PRR36: variants seen among roughly 807,000 people sequenced by gnomAD.
The protein encoded by PRR36 is proline rich 36, also known as proline-rich protein 36.
Under a neutral mutation model 58.6 loss-of-function variants are expected in PRR36, and 30 were observed. The observed-to-expected ratio is 0.51, with a 90% confidence interval of 0.38 to 0.69. The LOEUF (loss-of-function observed/expected upper bound fraction) is 0.69, where lower values mean the gene tolerates loss of function less well. Ranked by LOEUF, PRR36 falls within the 30% of genes least tolerant of loss-of-function variation. The pLI is 0.00. For synonymous variants in PRR36, 771 were observed against 829.3 expected (o/e 0.93, Z 1.21); for missense variants, 1,692 against 1,805.6 (o/e 0.94, Z 1.14).
At chr19:7,869,616 G>A (rs1980280239) in intron 5 of PRR36, 72 bp from the exon 6 acceptor site, 2 of 1,476,026 alleles carry the variant, frequency 1.4e-6, no homozygotes, top group Non-Finnish European at 1.8e-6. Flanking sequence ...CCGCCTCCTT[G>A]TCTAAGCTCC....
rs1035813359 is a variant in PRR36 at position 7,871,163 on chromosome 19, A to G, written c.2081T>C (p.Leu694Pro). 6.5e-7 allele frequency: 1 copy of G among 1,534,278 alleles called. No individual in the cohort carries two copies. Among genetic ancestry groups the G allele is most frequent in the African/African-American group, 1.4e-5 (1 of 72,392 alleles). Residue 694 changes from leucine to proline, a missense_variant, in exon 5 of 6, where the codon CTG (leucine) becomes CCG (proline). Physicochemically the swap from Leu to Pro is moderately conservative, Grantham distance 98. Coordinates refer to ENST00000618550, the MANE Select transcript of PRR36 (RefSeq NM_001190467.2). ...TIHPLQALSSLASHSPQAPLS... is the reference protein window; with the variant it reads ...TIHPLQALSSPASHSPQAPLS... Reference sequence around the variant, plus strand: ...AGGTGCCTGAGGAGAGTGGGAGGCCAGAGAAGATAGCGCCTGCAGAGGGTG... The same window carrying G: ...AGGTGCCTGAGGAGAGTGGGAGGCCGGAGAAGATAGCGCCTGCAGAGGGTG...
intron 5 of PRR36, 35 bp from the exon 6 acceptor site, chr19:7,869,579 G>T: frequency 1.3e-6 from 2 of 1,509,550 alleles, no homozygotes; most frequent in Non-Finnish European, 1.8e-6. Context: ...CCGTGGGGGT[G>T]ATAAGCCCCG....
In PRR36 at chr19:7,871,573, C is replaced by G. The variant is rs372644059; in HGVS notation, c.1671G>C (p.Pro557=). ...PLVSPSLLAS[P]PLQAPPHPQA... is the part of the protein sequence containing the mutation. ...GTGGGTGGGGCGGAGCCTGCAGAGG[C>G]GGTGAGGCCAAAAGAGAGGGAGAAA... The change falls in exon 5 of 6, where the codon CCG becomes CCC. Residue 557 remains proline, a synonymous_variant. Transcript: ENST00000618550. 1.3e-6 allele frequency: 2 copies of G among 1,534,864 alleles called. No homozygotes were observed. Among genetic ancestry groups the G allele is most frequent in the South Asian group, 1.2e-5 (1 of 83,992 alleles).
At position 7,869,932 on chromosome 19, in the gene PRR36, C is replaced by T. The variant is rs1294592005; in HGVS notation, c.3312G>A (p.Pro1104=). 7.3e-6 allele frequency: 10 copies of T among 1,365,478 alleles called. No individual in the cohort carries two copies. Among genetic ancestry groups the T allele is most frequent in the African/African-American group, 1.5e-5 (1 of 64,842 alleles). The allele number at this position is 1,365,478 out of a possible 1,614,324, so 84.6% of individuals were successfully genotyped here. Residue 1104 remains proline (P), a synonymous_variant, in exon 5 of 6, where the codon CCG becomes CCA. Coordinates refer to ENST00000618550, the MANE Select transcript of PRR36 (RefSeq NM_001190467.2). ...TGCTGGACGGGCTGCGCGAGGGCGG[C>T]GGCGGCGGGCCGGGGGCCAACGCCA... ...LTLALAPGPP[P]PPSRSPSSTL... is the part of the protein sequence containing the mutation.
In PRR36 at chr19:7,872,797, G is replaced by A. The variant is rs1313082350; in HGVS notation, c.488-41C>T. The A allele has an allele frequency of 2.0e-6, 3 of 1,527,706 alleles. No individual in the cohort carries two copies. The highest frequency in any genetic ancestry group is 2.6e-6 in the Non-Finnish European group (3 of 1,142,776). 94.6% of individuals were successfully genotyped at this position (1,527,706 alleles called of 1,614,324 possible). A position where few individuals can be genotyped will look rare whatever the true frequency, so the allele number is the denominator to read the frequency against. On this transcript the variant is annotated intron_variant, in intron 4 of 5. Transcript: ENST00000618550. This position sits in a 1 kb window ranked among gnomAD's most constrained non-coding sequence, Gnocchi z 6.1. Reference sequence around the variant, plus strand: ...AAGGCCAAGGGTCACCGATACCTCTGAGGCGGCTCCCCTTGCTGCCCAGGA... The same window carrying A: ...AAGGCCAAGGGTCACCGATACCTCTAAGGCGGCTCCCCTTGCTGCCCAGGA...
In PRR36 at chr19:7,871,290, C is replaced by T; in HGVS notation, c.1954G>A (p.Asp652Asn). 1.3e-6 allele frequency: 2 copies of T among 1,513,616 alleles called. No homozygotes were observed. Among genetic ancestry groups the T allele is most frequent in the South Asian group, 2.4e-5 (2 of 82,486 alleles). The allele number at this position is 1,513,616 out of a possible 1,614,324, so 93.8% of individuals were successfully genotyped here. The change falls in exon 5 of 6, where the codon GAT becomes AAT. Residue 652 changes from aspartate (D) to asparagine (N), a missense_variant. By Grantham distance (23) the Asp-to-Asn change is conservative (BLOSUM62 1). Coordinates refer to ENST00000618550, the MANE Select transcript of PRR36 (RefSeq NM_001190467.2). ...AGAGGGGCCTGCAGAGGGGGTGAAT[C>T]AGGGGGAGTAGAGGCCGGCCGAGAA... ...SPSRPASTPP[D>N]SPPLQAPLSL... is the part of the protein sequence containing the mutation.
At position 7,870,938 on chromosome 19, in the gene PRR36, TGC is replaced by T; in HGVS notation, c.2304_2305del (p.Gln769AspfsTer236). The T allele has an allele frequency of 4.3e-6, 6 of 1,389,216 alleles. No individual in the cohort carries two copies. Among genetic ancestry groups the T allele is most frequent in the Admixed American group, 6.2e-5 (2 of 32,512 alleles). The allele number at this position is 1,389,216 out of a possible 1,614,324, so 86.1% of individuals were successfully genotyped here. On this transcript the variant is annotated frameshift_variant, in exon 5 of 6. Coordinates refer to ENST00000618550, the MANE Select transcript of PRR36 (RefSeq NM_001190467.2). LOFTEE classifies it high-confidence loss of function. The stretch of plus-strand genomic sequence containing the variant: ...TGTGGTCAGGGGAGCAGAAGCTGTC[TGC>T]AGAGGAGGCGGGGCTAGAGAAGGTA...
chr19:7,873,329 C>A lies in PRR36; in HGVS notation c.272-30G>T. 1 of 1,524,580 alleles carries A rather than the reference C, an allele frequency of 6.6e-7. No individual in the cohort carries two copies. The highest frequency in any genetic ancestry group is 8.8e-7 in the Non-Finnish European group (1 of 1,140,614). 94.4% of individuals were successfully genotyped at this position (1,524,580 alleles called of 1,614,324 possible). ...GGGGAGAAGGCCGAGTCACAGGTGC[C>A]CCGGAGAGGTGGCAGTGGAGGTGAG... On this transcript the variant is annotated intron_variant, in intron 2 of 5. Coordinates refer to ENST00000618550, the MANE Select transcript of PRR36 (RefSeq NM_001190467.2). This position sits in a 1 kb window ranked among gnomAD's most constrained non-coding sequence, Gnocchi z 5.0.
In PRR36 at chr19:7,872,304, C is replaced by T; in HGVS notation, c.940G>A (p.Ala314Thr). 6.9e-7 allele frequency: 1 copy of T among 1,455,432 alleles called. No homozygotes were observed. The highest frequency in any genetic ancestry group is 9.0e-7 in the Non-Finnish European group (1 of 1,110,460). The allele number at this position is 1,455,432 out of a possible 1,614,324, so 90.2% of individuals were successfully genotyped here. ...TTGTCGGGAGGCGGTACGGGTCTTGCCTTGGTACCCGATGGAGAGGGTGTG... is the reference window on the plus strand; with the variant it reads ...TTGTCGGGAGGCGGTACGGGTCTTGTCTTGGTACCCGATGGAGAGGGTGTG... ...LATPSPSGTK[A>T]RPVPPPDNAA... The change falls in exon 5 of 6, where the codon GCA (alanine) becomes ACA (threonine). Residue 314 changes from alanine to threonine, a missense_variant. Physicochemically the swap from Ala to Thr is moderately conservative, Grantham distance 58. This residue lies in a region of PRR36 where 975 missense variants were observed against 955.2 expected (regional missense o/e 1.02). Transcript: ENST00000618550. This position sits in a 1 kb window ranked among gnomAD's most constrained non-coding sequence, Gnocchi z 6.1.
chr19:7,869,852 T>C lies in PRR36; in HGVS notation c.3392A>G (p.Glu1131Gly), dbSNP rs1980295541. The change falls in exon 5 of 6, where the codon GAG becomes GGG. Residue 1131 changes from glutamate to glycine, a missense_variant. By Grantham distance (98) the Glu-to-Gly change is moderately conservative (BLOSUM62 -2). Around this residue, in one of 5 missense-constraint regions of PRR36, gnomAD observed 485 missense variants for 549.2 expected, o/e 0.88. Transcript: ENST00000618550. Reference sequence around the variant, plus strand: ...CCCGCTGTCGTAGCCACGCAGCTCCTCTGGCGTGCTCGTGGCGCTGCTGCT... The same window carrying C: ...CCCGCTGTCGTAGCCACGCAGCTCCCCTGGCGTGCTCGTGGCGCTGCTGCT... ...GHSSSATSTP[E>G]ELRGYDSGPE... The C allele has an allele frequency of 1.5e-6, 2 of 1,340,064 alleles. No individual in the cohort carries two copies. The highest frequency in any genetic ancestry group is 1.9e-6 in the Non-Finnish European group (2 of 1,052,150). The allele number at this position is 1,340,064 out of a possible 1,614,324, so 83.0% of individuals were successfully genotyped here. A position where few individuals can be genotyped will look rare whatever the true frequency, so the allele number is the denominator to read the frequency against.
In PRR36 at chr19:7,872,697, C is replaced by G; in HGVS notation, c.547G>C (p.Ala183Pro). The change falls in exon 5 of 6, where the codon GCG becomes CCG. Residue 183 changes from alanine to proline, a missense_variant. Coordinates refer to ENST00000618550, the MANE Select transcript of PRR36 (RefSeq NM_001190467.2). This position sits in a 1 kb window ranked among gnomAD's most constrained non-coding sequence, Gnocchi z 6.1. ...SPAMARRSRA[A>P]GTEVGLPRPA... is the part of the protein sequence containing the mutation. ...CGGGGGAGCCCCACCTCGGTGCCCG[C>G]AGCCCGGGACCGACGGGCCATGGCC... 2 of 1,444,084 alleles carry G rather than the reference C, an allele frequency of 1.4e-6. No homozygotes were observed. Among genetic ancestry groups the G allele is most frequent in the Non-Finnish European group, 1.8e-6 (2 of 1,103,516 alleles). The allele number at this position is 1,444,084 out of a possible 1,614,324, so 89.5% of individuals were successfully genotyped here.
In PRR36 at chr19:7,873,835, T is replaced by TG; in HGVS notation, c.-7-140_-7-139insC. On this transcript the variant is annotated intron_variant, in intron 1 of 5. Transcript: ENST00000618550. This position sits in a 1 kb window ranked among gnomAD's most constrained non-coding sequence, Gnocchi z 5.0. ...AACCTCGGCCTCGGCTTCCATCCGC[T>TG]CGGCTCCCACGCACCTACACCCACT... is the stretch of plus-strand genomic sequence containing the variant. 1.3e-6 allele frequency: 1 copy of TG among 768,244 alleles called. No homozygotes were observed. Among genetic ancestry groups the TG allele is most frequent in the Non-Finnish European group, 2.0e-6 (1 of 505,188 alleles). 47.6% of individuals were successfully genotyped at this position (768,244 alleles called of 1,614,324 possible).
Position 7,870,645 on chromosome 19 carries a change from AAGG to A in PRR36, c.2596_2598del (p.Pro866del), listed in dbSNP as rs949830772. On this transcript the variant is annotated inframe_deletion, in exon 5 of 6. Coordinates refer to ENST00000618550, the MANE Select transcript of PRR36 (RefSeq NM_001190467.2). ...GGGGCCTGTGGAGAGGGTGTGGCCA[AAGG>A]AGACAGAGGGGGTGAGGCAGGGGGA... is the stretch of plus-strand genomic sequence containing the variant. The A allele has an allele frequency of 2.0e-6, 2 of 1,015,164 alleles. No homozygotes were observed. Among genetic ancestry groups the A allele is most frequent in the African/African-American group, 4.1e-5 (2 of 48,206 alleles). The allele number at this position is 1,015,164 out of a possible 1,614,324, so 62.9% of individuals were successfully genotyped here.
chr19:7,872,309 G>A lies in PRR36; in HGVS notation c.935C>T (p.Thr312Ile). ...GGGAGGCGGTACGGGTCTTGCCTTG[G>A]TACCCGATGGAGAGGGTGTGGCCAA... ...SPLATPSPSG[T>I]KARPVPPPDN... The change falls in exon 5 of 6, where the codon ACC becomes ATC. Residue 312 changes from threonine to isoleucine, a missense_variant. By Grantham distance (89) the Thr-to-Ile change is moderately conservative. Coordinates refer to ENST00000618550, the MANE Select transcript of PRR36 (RefSeq NM_001190467.2). This position sits in a 1 kb window ranked among gnomAD's most constrained non-coding sequence, Gnocchi z 6.1. 2 of 1,454,866 alleles carry A rather than the reference G, an allele frequency of 1.4e-6. No homozygotes were observed. The highest frequency in any genetic ancestry group is 1.8e-4 in the Middle Eastern group (1 of 5,578). 90.1% of individuals were successfully genotyped at this position (1,454,866 alleles called of 1,614,324 possible). A position where few individuals can be genotyped will look rare whatever the true frequency, so the allele number is the denominator to read the frequency against.
Position 7,871,508 on chromosome 19 carries a change from G to T in PRR36, c.1736C>A (p.Pro579Gln). 1 of 1,535,548 alleles carries T rather than the reference G, an allele frequency of 6.5e-7. No individual in the cohort carries two copies. The highest frequency in any genetic ancestry group is 1.4e-5 in the African/African-American group (1 of 73,078). Residue 579 changes from proline to glutamine, a missense_variant, in exon 5 of 6, where the codon CCG (proline) becomes CAG (glutamine). Physicochemically the swap from Pro to Gln is moderately conservative, Grantham distance 76 (BLOSUM62 -1). Around this residue, in one of 5 missense-constraint regions of PRR36, gnomAD observed 975 missense variants for 955.2 expected, o/e 1.02. Coordinates refer to ENST00000618550, the MANE Select transcript of PRR36 (RefSeq NM_001190467.2). ...PSMTTPPMQA[P>Q]PSLQTIPPIQ... is the part of the protein sequence containing the mutation. ...TGGGGGAATGGTCTGGAGAGAGGGC[G>T]GGGCCTGCATAGGGGGCGTAGTCAT...
rs866794447 is a variant in PRR36 at position 7,871,754 on chromosome 19, G to T, written c.1490C>A (p.Pro497Gln). ...PGLSALTTPP[P>Q]QASPSPSPPS... Reference sequence around the variant, plus strand: ...CGGAGACGGGGAAGGACTGGCCTGCGGAGGGGGCGTGGTCAGAGCAGAAAG... The same window carrying T: ...CGGAGACGGGGAAGGACTGGCCTGCTGAGGGGGCGTGGTCAGAGCAGAAAG... The change falls in exon 5 of 6, where the codon CCG becomes CAG. Residue 497 changes from proline (P) to glutamine (Q), a missense_variant. By Grantham distance (76) the Pro-to-Gln change is moderately conservative. Around this residue, in one of 5 missense-constraint regions of PRR36, gnomAD observed 975 missense variants for 955.2 expected, o/e 1.02. Coordinates refer to ENST00000618550, the MANE Select transcript of PRR36 (RefSeq NM_001190467.2). 1 of 1,535,926 alleles carries T rather than the reference G, an allele frequency of 6.5e-7. No individual in the cohort carries two copies. Among genetic ancestry groups the T allele is most frequent in the Admixed American group, 2.0e-5 (1 of 50,978 alleles).
At position 7,873,350 on chromosome 19, in the gene PRR36, G is replaced by A. The variant is rs777721067; in HGVS notation, c.272-51C>T. Reference sequence around the variant, plus strand: ...GTGCCCCGGAGAGGTGGCAGTGGAGGTGAGACTGGACAGGTATTGGAAGGG... The same window carrying A: ...GTGCCCCGGAGAGGTGGCAGTGGAGATGAGACTGGACAGGTATTGGAAGGG... On this transcript the variant is annotated intron_variant, in intron 2 of 5. Transcript: ENST00000618550. This position sits in a 1 kb window ranked among gnomAD's most constrained non-coding sequence, Gnocchi z 5.0. The A allele has an allele frequency of 1.6e-5, 25 of 1,520,390 alleles. No individual in the cohort carries two copies. Among genetic ancestry groups the A allele is most frequent in the Non-Finnish European group, 2.0e-5 (23 of 1,137,828 alleles). The allele number at this position is 1,520,390 out of a possible 1,614,324, so 94.2% of individuals were successfully genotyped here. A position where few individuals can be genotyped will look rare whatever the true frequency, so the allele number is the denominator to read the frequency against.
Position 7,872,132 on chromosome 19 carries a change from G to C in PRR36, c.1112C>G (p.Pro371Arg). The C allele has an allele frequency of 4.0e-6, 6 of 1,513,098 alleles. No individual in the cohort carries two copies. The highest frequency in any genetic ancestry group is 1.7e-4 in the Middle Eastern group (1 of 5,822). The allele number at this position is 1,513,098 out of a possible 1,614,324, so 93.7% of individuals were successfully genotyped here. ...AGCAGAGGGAGAAGGAGGGGCTAGA[G>C]GAAGGGGCGTGGCCAACTGACAGGT... ...SLTCQLATPL[P>R]LAPPSPSAPP... Residue 371 changes from proline (P) to arginine (R), a missense_variant, in exon 5 of 6, where the codon CCT becomes CGT. Pro to Arg is a moderately radical substitution (Grantham distance 103). Transcript: ENST00000618550. This position sits in a 1 kb window ranked among gnomAD's most constrained non-coding sequence, Gnocchi z 6.1.
chr19:7,869,817 C>A lies in PRR36; in HGVS notation c.3427G>T (p.Gly1143Cys). 1 of 1,351,474 alleles carries A rather than the reference C, an allele frequency of 7.4e-7. No individual in the cohort carries two copies. Among genetic ancestry groups the A allele is most frequent in the Non-Finnish European group, 9.4e-7 (1 of 1,058,576 alleles). The allele number at this position is 1,351,474 out of a possible 1,614,324, so 83.7% of individuals were successfully genotyped here. A position where few individuals can be genotyped will look rare whatever the true frequency, so the allele number is the denominator to read the frequency against. ...TCGGGGGGCGGGGAGGCTGCGGCAC[C>A]GCCCTCGGGCCCGCTGTCGTAGCCA... The part of the protein sequence containing the change: ...LRGYDSGPEG[G>C]AAASPPPDAE... The change falls in exon 5 of 6, where the codon GGT becomes TGT. Residue 1143 changes from glycine to cysteine, a missense_variant. By Grantham distance (159) the Gly-to-Cys change is radical. Around this residue, in one of 5 missense-constraint regions of PRR36, gnomAD observed 485 missense variants for 549.2 expected, o/e 0.88. Coordinates refer to ENST00000618550, the MANE Select transcript of PRR36 (RefSeq NM_001190467.2).
Sources: allele counts gnomAD v4.1 joint callset, GRCh38; gene constraint gnomAD v4.1.1; regional missense constraint gnomAD v4.1.1; non-coding constraint Gnocchi (gnomAD v3.1); transcripts MANE v1.5; gene names NCBI Gene and HGNC (gene_info 2026-07-23, HGNC 2026-07-21).